The following FAM171A1 variants were observed in gnomAD, a reference collection of about 807,000 sequenced individuals.
The protein encoded by FAM171A1 is protein FAM171A1.
In FAM171A1, 23 loss-of-function variants were observed where a neutral mutation model predicts 74.9. The observed-to-expected ratio is 0.31, with a 90% CI of 0.22 to 0.44. The LOEUF is 0.44. Among genes scored for constraint, FAM171A1 ranks in the 20% least tolerant of loss-of-function variants. The pLI, the probability that FAM171A1 is intolerant of heterozygous loss-of-function variation, is 1.00. For synonymous variants in FAM171A1, 527 were observed against 505.7 expected, an observed-to-expected ratio of 1.04 and a Z score of -0.57; for missense variants, 1,162 against 1,159.2, an observed-to-expected ratio of 1.00 and a Z score of -0.03.
At chr10:15,250,114 AG>A (rs1424114545) in intron 4 of FAM171A1, among the ~76,000 whole-genome samples, 2 of 152,266 alleles carry the variant, frequency 1.3e-5, no homozygotes, top group African/African-American at 4.8e-5. Context: ...AATGAATTAC[AG>A]CTAAATCCTT....
At chr10:15,269,975 A>C (rs189965037) in intron 3 of FAM171A1, among the ~76,000 whole-genome samples, 2 of 152,198 alleles carry the variant, frequency 1.3e-5, no homozygotes, top group African/African-American at 4.8e-5. Context: ...TCCCAAGGTG[A>C]GCGATGCAGA....
rs1403702957 is a variant in FAM171A1 at position 15,216,033 on chromosome 10, G to A, written c.949C>T (p.Leu317Phe). The change falls in exon 7 of 8, where the codon CTT (leucine) becomes TTT (phenylalanine). Residue 317 changes from leucine to phenylalanine, a missense_variant. Transcript: ENST00000378116. ...LAILGGMAFI[L>F]LVLLCLLLYY... is the part of the protein sequence containing the mutation. ...AAAAGGAGACACAGCAAAACCAAAA[G>A]TATGAAAGCCATTCCTCCTAAAATG... The A allele has an allele frequency of 1.9e-6, 3 of 1,611,228 alleles. No individual in the cohort carries two copies. Among genetic ancestry groups the A allele is most frequent in the Non-Finnish European group, 1.7e-6 (2 of 1,179,582 alleles).
intron 3 of FAM171A1, among the ~76,000 whole-genome samples, chr10:15,264,510 AC>A (rs1248317728): frequency 6.6e-6 from 1 of 152,184 alleles, no homozygotes; most frequent in East Asian, 1.9e-4. Context: ...AGTTTTGTAG[AC>A]AATACAAATA....
At chr10:15,235,800 C>T (rs1371223353) in intron 5 of FAM171A1, among the ~76,000 whole-genome samples, 1 of 152,182 alleles carries the variant, frequency 6.6e-6, no homozygotes, top group Non-Finnish European at 1.5e-5. Flanking sequence ...ATTCCCAGGC[C>T]TCAAAGAAGC....
chr10:15,353,878 A>C (rs545891528), intron 1 of FAM171A1, among the ~76,000 whole-genome samples: 1 of 152,358 alleles, frequency 6.6e-6, no homozygotes, highest in African/African-American at 2.4e-5. Flanking sequence ...CCTGACTCCA[A>C]CACTCCATTC....
Position 15,283,932 on chromosome 10 carries a change from A to C in FAM171A1, c.271T>G (p.Ser91Ala), listed in dbSNP as rs377490461. Residue 91 changes from serine to alanine, a missense_variant, in exon 2 of 8, where the codon TCG becomes GCG. By Grantham distance (99) the Ser-to-Ala change is moderately conservative (BLOSUM62 1). Coordinates refer to ENST00000378116, the MANE Select transcript of FAM171A1 (RefSeq NM_001010924.2). ...GAGTTTGGCACGTAGGCATGCTTCG[A>C]GGCGGTGACAATCAACTGACTGCCC... The part of the protein sequence containing the change: ...KLGSQLIVTA[S>A]KHAYVPNSAP... 6.2e-7 allele frequency: 1 copy of C among 1,614,170 alleles called. No homozygotes were observed. The highest frequency in any genetic ancestry group is 1.3e-5 in the African/African-American group (1 of 75,050).
intron 5 of FAM171A1, among the ~76,000 whole-genome samples, chr10:15,225,880 C>A (rs185045496): frequency 1.3e-5 from 2 of 152,212 alleles, no homozygotes; most frequent in Non-Finnish European, 2.9e-5. Flanking sequence ...TGGGTGAGGA[C>A]ATCTGCCCAG....
At position 15,263,741 on chromosome 10, in the gene FAM171A1, G is replaced by GTCTGTCTATCTATCTA. The variant is rs1428115509; in HGVS notation, c.419-8863_419-8862insTAGATAGATAGACAGA. 2.9e-3 allele frequency among the ~76,000 whole-genome samples: 405 copies of GTCTGTCTATCTATCTA among 140,648 alleles called. 1 individual carries two copies. The highest frequency in any genetic ancestry group is 3.5e-3 in the African/African-American group (138 of 39,014). 92.3% of individuals were successfully genotyped at this position (140,648 alleles called of 152,430 possible). On this transcript the variant is annotated intron_variant, in intron 3 of 7. Coordinates refer to ENST00000378116, the MANE Select transcript of FAM171A1 (RefSeq NM_001010924.2). ...TATCAATCTATCTATCTATCTGTCT[G>GTCTGTCTATCTATCTA]TCTATCTATCTATCTATCTATCTAT...
chr10:15,317,697 C>G (rs1441282343), intron 1 of FAM171A1, among the ~76,000 whole-genome samples: 1 of 152,186 alleles, frequency 6.6e-6, no homozygotes, highest in African/African-American at 2.4e-5. Context: ...CCAGCCTGCA[C>G]TGATATTTTA....
chr10:15,370,617 G>A (rs938190824), intron 1 of FAM171A1, among the ~76,000 whole-genome samples: 1 of 151,944 alleles, frequency 6.6e-6, no homozygotes, highest in African/African-American at 2.4e-5. Context: ...GGGAGACAGA[G>A]CCGCGTGTCC....
intron 3 of FAM171A1, among the ~76,000 whole-genome samples, chr10:15,269,976 G>A (rs988672194): frequency 2.6e-5 from 4 of 152,210 alleles, no homozygotes; most frequent in African/African-American, 7.2e-5. Context: ...CCCAAGGTGA[G>A]CGATGCAGAA....
intron 1 of FAM171A1, among the ~76,000 whole-genome samples, chr10:15,317,238 A>G (rs552601048): frequency 6.4e-4 from 97 of 152,248 alleles, no homozygotes; most frequent in African/African-American, 2.3e-3. Flanking sequence ...GACGGGAGAG[A>G]GACAGGGGTC....
intron 1 of FAM171A1, among the ~76,000 whole-genome samples, chr10:15,293,842 G>C (rs773406655): frequency 8.5e-5 from 13 of 152,180 alleles, no homozygotes; most frequent in Non-Finnish European, 1.5e-4. Context: ...TGGGTACCAC[G>C]GGCAGATGAG....
At chr10:15,362,177 C>T (rs1240295297) in intron 1 of FAM171A1, among the ~76,000 whole-genome samples, 1 of 152,170 alleles carries the variant, frequency 6.6e-6, no homozygotes, top group African/African-American at 2.4e-5. Flanking sequence ...GAATATAAGA[C>T]AGCTTGACCT....
At chr10:15,339,002 G>T (rs1010315429) in intron 1 of FAM171A1, among the ~76,000 whole-genome samples, 12 of 152,212 alleles carry the variant, frequency 7.9e-5, no homozygotes, top group East Asian at 1.9e-4. Flanking sequence ...GCCTCCCGAA[G>T]TGTTGGGATT....
chr10:15,289,014 G>C (rs1305521290), intron 1 of FAM171A1, among the ~76,000 whole-genome samples: 2 of 151,916 alleles, frequency 1.3e-5, no homozygotes, highest in African/African-American at 4.8e-5. Flanking sequence ...TGGAGACAGG[G>C]TTTCTCCATG....
chr10:15,363,496 C>A (rs140193892), intron 1 of FAM171A1, among the ~76,000 whole-genome samples: 3 of 152,144 alleles, frequency 2.0e-5, no homozygotes, highest in African/African-American at 4.8e-5. Context: ...GCAAGGTCAT[C>A]GGCCTTAAAA....
chr10:15,341,431 T>C (rs1401047580), intron 1 of FAM171A1, among the ~76,000 whole-genome samples: 4 of 152,222 alleles, frequency 2.6e-5, no homozygotes, highest in African/African-American at 9.6e-5. Context: ...GTAATATACA[T>C]CTTTAAAACG....
chr10:15,215,939 C>T, intron 7 of FAM171A1, 57 bp downstream of exon 7: 1 of 1,106,664 alleles, frequency 9.0e-7, no homozygotes, highest in Non-Finnish European at 1.3e-6. Flanking sequence ...TTCTAAGTAT[C>T]AATTGCCCAA....
Sources: gnomAD v4.1 joint callset for allele counts (sites outside exome capture counted in the v4.1 genomes callset) on GRCh38, gnomAD v4.1.1 for gene constraint, MANE v1.5 for transcripts, NCBI Gene and HGNC (gene_info 2026-07-23, HGNC 2026-07-21) for gene names.